Variants in NRG1 observed in about 807,000 individuals in gnomAD.
NRG1 encodes the protein neuregulin 1, also known as pro-neuregulin-1, membrane-bound isoform.
In NRG1, 18 loss-of-function variants were observed where a neutral mutation model predicts 63.8. That is an observed-to-expected ratio of 0.28 (90% CI 0.19 to 0.42). The LOEUF (loss-of-function observed/expected upper bound fraction) is 0.42, where lower values mean the gene tolerates loss of function less well. Among genes scored for constraint, NRG1 ranks in the 10% least tolerant of loss-of-function variants. NRG1 has a pLI of 1.00. For missense variants in NRG1, 762 were observed against 814.7 expected (o/e 0.94, Z 0.79); for synonymous variants, 302 against 301.3 (o/e 1.00, Z -0.02).
chr8:31,798,507 G>T (rs1352516610), intron 1 of NRG1, among the ~76,000 whole-genome samples: 2 of 152,140 alleles, frequency 1.3e-5, no homozygotes, highest in African/African-American at 4.8e-5. Context: ...ATAAAAATAT[G>T]TTAAATGAAC....
intron 11 of NRG1, among the ~76,000 whole-genome samples, chr8:32,762,684 CA>C (rs1176209613): frequency 6.6e-6 from 1 of 152,260 alleles, no homozygotes; most frequent in East Asian, 1.9e-4. Context: ...CAGGTCACGT[CA>C]AATTAGACTC....
chr8:32,676,185 G>C lies in NRG1; in HGVS notation c.503-51764G>C, dbSNP rs1309356154. 9.9e-5 allele frequency among the ~76,000 whole-genome samples: 15 copies of C among 152,158 alleles called. 1 individual carries two copies. Among genetic ancestry groups the C allele is most frequent in the African/African-American group, 3.6e-4 (15 of 41,452 alleles). On this transcript the variant is annotated intron_variant, in intron 5 of 11. Coordinates refer to ENST00000356819, the Ensembl canonical transcript of NRG1. ...GTGGCCACCTAACTGATACCGTCTGGTGACACTCAGGTCAGTGACTCCCGC... is the reference window on the plus strand; with the variant it reads ...GTGGCCACCTAACTGATACCGTCTGCTGACACTCAGGTCAGTGACTCCCGC...
At chr8:31,842,788 G>A (rs1017081936) in intron 1 of NRG1, among the ~76,000 whole-genome samples, 1 of 152,130 alleles carries the variant, frequency 6.6e-6, no homozygotes, top group African/African-American at 2.4e-5. Context: ...TGCCCTTGAT[G>A]TAGTCAAGAA....
At chr8:31,876,021 C>G (rs1829886470) in intron 1 of NRG1, among the ~76,000 whole-genome samples, 1 of 141,214 alleles carries the variant, frequency 7.1e-6, no homozygotes, top group Non-Finnish European at 1.5e-5. Flanking sequence ...TCAGATCACT[C>G]TGTCCTAAAA....
chr8:31,891,106 G>A (rs892996268), intron 1 of NRG1, among the ~76,000 whole-genome samples: 4 of 152,064 alleles, frequency 2.6e-5, no homozygotes, highest in East Asian at 1.9e-4. Flanking sequence ...ATAATGGGTC[G>A]ACTTGATACT....
intron 1 of NRG1, among the ~76,000 whole-genome samples, chr8:31,814,988 A>G (rs1181614796): frequency 6.6e-6 from 1 of 152,064 alleles, no homozygotes; most frequent in Non-Finnish European, 1.5e-5. Flanking sequence ...GAGGATCCAC[A>G]CCCTGTCCTA....
intron 5 of NRG1, among the ~76,000 whole-genome samples, chr8:32,635,353 CA>C (rs1228196068): frequency 6.6e-6 from 1 of 152,178 alleles, no homozygotes; most frequent in Non-Finnish European, 1.5e-5. Context: ...ACACCCTGTA[CA>C]GTGACCTTAA....
intron 7 of NRG1, chr8:32,749,661 T>G: frequency 3.5e-6 from 5 of 1,413,630 alleles, no homozygotes. Flanking sequence ...CTTCCTACTC[T>G]TACCTTTCAG....
At chr8:32,707,403 A>G (rs1163622784) in intron 5 of NRG1, among the ~76,000 whole-genome samples, 1 of 152,060 alleles carries the variant, frequency 6.6e-6, no homozygotes, top group Admixed American at 6.5e-5. Flanking sequence ...GAAAAAAGTC[A>G]CTATAGCAAA....
chr8:32,541,373 G>C (rs1832554557), intron 1 of NRG1, among the ~76,000 whole-genome samples: 1 of 152,108 alleles, frequency 6.6e-6, no homozygotes, highest in Non-Finnish European at 1.5e-5. Context: ...GCCTGGGCCA[G>C]GTACAGAATA....
intron 1 of NRG1, among the ~76,000 whole-genome samples, chr8:32,430,354 G>T (rs1281630505): frequency 6.6e-6 from 1 of 152,134 alleles, no homozygotes; most frequent in South Asian, 2.1e-4. Context: ...AGAGAAATCT[G>T]GTACCATATT....
At chr8:31,812,542 C>A (rs961792358) in intron 1 of NRG1, among the ~76,000 whole-genome samples, 2 of 150,772 alleles carry the variant, frequency 1.3e-5, no homozygotes, top group Non-Finnish European at 2.9e-5. Context: ...CATTTGCTTC[C>A]TTTTTTCTTT....
chr8:32,662,825 A>G (rs902072882), intron 5 of NRG1, among the ~76,000 whole-genome samples: 3 of 152,178 alleles, frequency 2.0e-5, no homozygotes, highest in African/African-American at 7.2e-5. Context: ...TCTAAAGATC[A>G]TTTTGCTCAG....
chr8:32,258,844 A>C (rs2129471348), intron 1 of NRG1, among the ~76,000 whole-genome samples: 1 of 152,274 alleles, frequency 6.6e-6, no homozygotes, highest in African/African-American at 2.4e-5. Context: ...GTACAAACAA[A>C]TAGTGGAGTT....
chr8:31,959,483 G>A (rs768212139), intron 1 of NRG1, among the ~76,000 whole-genome samples: 2 of 152,132 alleles, frequency 1.3e-5, no homozygotes, highest in Non-Finnish European at 2.9e-5. Flanking sequence ...ATACCAATTT[G>A]TCATCATCAT....
At chr8:32,196,144 T>C (rs1219813065) in intron 1 of NRG1, among the ~76,000 whole-genome samples, 1 of 151,826 alleles carries the variant, frequency 6.6e-6, no homozygotes, top group East Asian at 1.9e-4. Flanking sequence ...TGTGTGTGTG[T>C]GTGTGTGTAT....
chr8:32,438,059 G>A (rs1819012388), intron 1 of NRG1, among the ~76,000 whole-genome samples: 1 of 152,080 alleles, frequency 6.6e-6, no homozygotes. Flanking sequence ...TTCCTCCAAT[G>A]GTGACATCTT....
chr8:32,294,863 A>T (rs192699647), intron 1 of NRG1, among the ~76,000 whole-genome samples: 68 of 152,312 alleles, frequency 4.5e-4, no homozygotes. Flanking sequence ...TTTCAAAATA[A>T]CAAGACTAAG....
intron 5 of NRG1, among the ~76,000 whole-genome samples, chr8:32,660,224 A>G (rs1401656447): frequency 6.6e-6 from 1 of 152,198 alleles, no homozygotes; most frequent in Non-Finnish European, 1.5e-5. Context: ...CAGTTTGGAG[A>G]TGCTCAGTGG....
Sources: gnomAD v4.1 joint callset for allele counts (sites outside exome capture counted in the v4.1 genomes callset) on GRCh38, gnomAD v4.1.1 for gene constraint, MANE v1.5 for transcripts, NCBI Gene and HGNC (gene_info 2026-07-23, HGNC 2026-07-21) for gene names.